Variants in RHOG observed in about 807,000 individuals in gnomAD.
RHOG encodes the protein ras homolog family member G, also known as rho-related GTP-binding protein RhoG.
In RHOG, 1 loss-of-function variant was observed where a neutral mutation model predicts 12.3. The ratio of observed to expected loss-of-function variants is 0.08; its 90% CI spans 0.03 to 0.39. The LOEUF is 0.39. Among genes scored for constraint, RHOG ranks in the 10% least tolerant of loss-of-function variants. RHOG has a pLI of 0.99. For synonymous variants in RHOG, 129 were observed against 116.0 expected (o/e 1.11, Z -0.72); for missense variants, 114 against 266.2 (o/e 0.43, Z 3.98).
At position 3,828,211 on chromosome 11, in the gene RHOG, G is replaced by A. The variant is rs1349176841; in HGVS notation, c.-68-5C>T. Reference sequence around the variant, plus strand: ...GACCCCTCTGGCTGCAGTGACCTGTGGACAGATGAAAGGGGACATTCTTGG... The same window carrying A: ...GACCCCTCTGGCTGCAGTGACCTGTAGACAGATGAAAGGGGACATTCTTGG... On this transcript the variant is annotated splice_region_variant and splice_polypyrimidine_tract_variant and intron_variant, in intron 1 of 1. Coordinates refer to ENST00000351018, the MANE Select transcript of RHOG (RefSeq NM_001665.4). The A allele has an allele frequency of 5.8e-6, 8 of 1,372,534 alleles. No homozygotes were observed. Among genetic ancestry groups the A allele is most frequent in the Non-Finnish European group, 7.1e-6 (7 of 992,146 alleles). The allele number at this position is 1,372,534 out of a possible 1,614,324, so 85.0% of individuals were successfully genotyped here.
intron 1 of RHOG, among the ~76,000 whole-genome samples, chr11:3,828,814 G>GT (rs755712779): frequency 1.7e-4 from 25 of 151,474 alleles, no homozygotes; most frequent in Admixed American, 3.3e-4. Flanking sequence ...TAGAGATGGG[G>GT]TTTCACCGTG....
chr11:3,827,508 C>T lies in RHOG; in HGVS notation c.*55G>A. 1 of 1,461,608 alleles carries T rather than the reference C, an allele frequency of 6.8e-7. No homozygotes were observed. The highest frequency in any genetic ancestry group is 1.2e-5 in the South Asian group (1 of 84,206). The allele number at this position is 1,461,608 out of a possible 1,614,324, so 90.5% of individuals were successfully genotyped here. On this transcript the variant is annotated 3_prime_UTR_variant, in exon 2 of 2. Coordinates refer to ENST00000351018, the MANE Select transcript of RHOG (RefSeq NM_001665.4). This position sits in a 1 kb window ranked among gnomAD's most constrained non-coding sequence, Gnocchi z 7.3. ...GGCACAGCTGAGGCGGACAAGGCAC[C>T]AAGGCACAACTGGTGGGGGGAGGGC...
At chr11:3,828,685 G>A (rs1378259951) in intron 1 of RHOG, among the ~76,000 whole-genome samples, 1 of 146,608 alleles carries the variant, frequency 6.8e-6, no homozygotes, top group African/African-American at 2.6e-5. Flanking sequence ...GTGCAGTGGC[G>A]TCATCTCGGC....
chr11:3,831,450 G>A (rs1294255207), intron 1 of RHOG, among the ~76,000 whole-genome samples: 1 of 152,164 alleles, frequency 6.6e-6, no homozygotes, highest in East Asian at 1.9e-4. Context: ...ACGTGTGCAT[G>A]CAACGTCAGG....
intron 1 of RHOG, among the ~76,000 whole-genome samples, chr11:3,831,269 A>C (rs919216868): frequency 1.3e-5 from 2 of 152,174 alleles, no homozygotes; most frequent in Admixed American, 6.5e-5. Flanking sequence ...GGGGGCTGCA[A>C]AGGACCCAGG....
At chr11:3,835,455 C>G (rs1276503187) in intron 1 of RHOG, among the ~76,000 whole-genome samples, 4 of 152,124 alleles carry the variant, frequency 2.6e-5, no homozygotes, top group African/African-American at 4.8e-5. Flanking sequence ...GTCTGACCTT[C>G]TGTTTATTTC....
At chr11:3,831,778 T>C (rs1261725983) in intron 1 of RHOG, among the ~76,000 whole-genome samples, 1 of 152,078 alleles carries the variant, frequency 6.6e-6, no homozygotes, top group Admixed American at 6.6e-5. Flanking sequence ...AAAGCAGAAC[T>C]CCTGGGCCTG....
At position 3,827,312 on chromosome 11, in the gene RHOG, G is replaced by A. The variant is rs2090084510; in HGVS notation, c.*251C>T. Reference sequence around the variant, plus strand: ...GGGCACTGGGTTGGCCTCTTGGGGAGGGGTCCAACCTTGGCTTGGATGAGC... The same window carrying A: ...GGGCACTGGGTTGGCCTCTTGGGGAAGGGTCCAACCTTGGCTTGGATGAGC... On this transcript the variant is annotated 3_prime_UTR_variant, in exon 2 of 2. Coordinates refer to ENST00000351018, the MANE Select transcript of RHOG (RefSeq NM_001665.4). This position sits in a 1 kb window ranked among gnomAD's most constrained non-coding sequence, Gnocchi z 7.3. 1 of 535,700 alleles carries A rather than the reference G, an allele frequency of 1.9e-6. No homozygotes were observed. The highest frequency in any genetic ancestry group is 1.9e-5 in the African/African-American group (1 of 52,966). 33.2% of individuals were successfully genotyped at this position (535,700 alleles called of 1,614,324 possible). A position where few individuals can be genotyped will look rare whatever the true frequency, so the allele number is the denominator to read the frequency against.
chr11:3,828,828 G>C (rs562303823), intron 1 of RHOG, among the ~76,000 whole-genome samples: 35 of 151,678 alleles, frequency 2.3e-4, no homozygotes, highest in Non-Finnish European at 4.4e-4. Context: ...CACCGTGTTG[G>C]CCAGGATGGT....
At position 3,840,071 on chromosome 11, in the gene RHOG, A is replaced by C. The variant is rs1399273021; in HGVS notation, c.-69+823T>G. On this transcript the variant is annotated intron_variant, in intron 1 of 1. Coordinates refer to ENST00000351018, the MANE Select transcript of RHOG (RefSeq NM_001665.4). ...GCATGTGTATAATTCAGGGACTAAGAATGAAGAGGAACACTAGGAGATGGT... is the reference window on the plus strand; with the variant it reads ...GCATGTGTATAATTCAGGGACTAAGCATGAAGAGGAACACTAGGAGATGGT... Among the ~76,000 whole-genome samples, 4 of 152,206 alleles carry C rather than the reference A, an allele frequency of 2.6e-5. No homozygotes were observed. The East Asian group carries it at 7.7e-4, about 29-fold the overall frequency.
intron 1 of RHOG, among the ~76,000 whole-genome samples, chr11:3,839,276 T>C (rs2090174795): frequency 6.6e-6 from 1 of 152,084 alleles, no homozygotes; most frequent in Non-Finnish European, 1.5e-5. Flanking sequence ...GGGGTGATTT[T>C]GATTTCCCAC....
At chr11:3,831,650 A>T (rs1419861472) in intron 1 of RHOG, among the ~76,000 whole-genome samples, 2 of 152,240 alleles carry the variant, frequency 1.3e-5, no homozygotes, top group Non-Finnish European at 2.9e-5. Context: ...CTATCCAGGA[A>T]TTAGAGATTA....
intron 1 of RHOG, among the ~76,000 whole-genome samples, chr11:3,836,052 TA>T (rs58765611): frequency 0.57 from 80,675 of 142,466 alleles, 23,077 homozygotes; most frequent in Non-Finnish European, 0.65. Flanking sequence ...TTCCTAGCCT[TA>T]AAAAAAAAAA....
chr11:3,838,114 A>G (rs1340815950), intron 1 of RHOG, among the ~76,000 whole-genome samples: 1 of 152,242 alleles, frequency 6.6e-6, no homozygotes, highest in Non-Finnish European at 1.5e-5. Flanking sequence ...GGTCTACAGT[A>G]TATAGAAGGA....
chr11:3,829,416 A>C (rs966506379), intron 1 of RHOG, among the ~76,000 whole-genome samples: 1 of 151,426 alleles, frequency 6.6e-6, no homozygotes, highest in Non-Finnish European at 1.5e-5. Context: ...GCATCCGGCT[A>C]ATTTTTATAT....
chr11:3,827,890 G>A lies in RHOG; in HGVS notation c.249C>T (p.Ser83=), dbSNP rs1416146002. 1.2e-6 allele frequency: 2 copies of A among 1,614,268 alleles called. No homozygotes were observed. The highest frequency in any genetic ancestry group is 4.5e-5 in the East Asian group (2 of 44,888). ...TCTCATAGGACGGCGGACTGGCAAT[G>A]GAGAAACAGATGACGAAAACGTTGG... ...PQTNVFVICF[S]IASPPSYENV... is the part of the protein sequence containing the mutation. The change falls in exon 2 of 2, where the codon TCC becomes TCT. Residue 83 remains serine (S), a synonymous_variant. Coordinates refer to ENST00000351018, the MANE Select transcript of RHOG (RefSeq NM_001665.4). The surrounding 1 kb of genome is among the most constrained non-coding windows in gnomAD (Gnocchi z 7.3).
At chr11:3,840,409 A>T (rs1037647089) in intron 1 of RHOG, among the ~76,000 whole-genome samples, 1 of 151,508 alleles carries the variant, frequency 6.6e-6, no homozygotes, top group Non-Finnish European at 1.5e-5. Flanking sequence ...ATTAGCATCC[A>T]TCTGACAGGG....
At chr11:3,837,104 C>T (rs2090162577) in intron 1 of RHOG, among the ~76,000 whole-genome samples, 1 of 151,972 alleles carries the variant, frequency 6.6e-6, no homozygotes, top group Admixed American at 6.6e-5. Flanking sequence ...TTTGCCTTTG[C>T]TAATTTCACA....
chr11:3,835,253 T>A (rs961942602), intron 1 of RHOG, among the ~76,000 whole-genome samples: 18 of 152,274 alleles, frequency 1.2e-4, no homozygotes, highest in Non-Finnish European at 2.4e-4. Context: ...TGCAATCATG[T>A]CTTTGCATAT....
Sources: allele counts gnomAD v4.1 joint callset (sites outside exome capture counted in the v4.1 genomes callset), GRCh38; gene constraint gnomAD v4.1.1; non-coding constraint Gnocchi (gnomAD v3.1); transcripts MANE v1.5; gene names NCBI Gene and HGNC (gene_info 2026-07-23, HGNC 2026-07-21).